The following KCNN3 variants were observed in gnomAD, a reference collection of about 807,000 sequenced individuals.
The protein encoded by KCNN3 is potassium calcium-activated channel subfamily N member 3, also known as small conductance calcium-activated potassium channel protein 3.
KCNN3 carries 16 observed loss-of-function variants against 62.9 expected under a neutral mutation model. That is an observed-to-expected ratio of 0.25 (90% CI 0.17 to 0.39). The LOEUF (loss-of-function observed/expected upper bound fraction) is 0.39. Among genes scored for constraint, KCNN3 ranks in the 10% least tolerant of loss-of-function variants. KCNN3 has a pLI of 1.00. For missense variants in KCNN3, 599 were observed against 949.4 expected (o/e 0.63, Z 4.85); for synonymous variants, 370 against 389.2 (o/e 0.95, Z 0.58).
Position 154,769,468 on chromosome 1 carries a change from A to C in KCNN3, c.1448+2507T>G, listed in dbSNP as rs76138335. 9.8e-3 allele frequency among the ~76,000 whole-genome samples: 1,491 copies of C among 152,276 alleles called. 28 individuals are homozygous for C. The highest frequency in any genetic ancestry group is 0.034 in the African/African-American group (1,415 of 41,552). On this transcript the variant is annotated intron_variant, in intron 3 of 7. Transcript: ENST00000271915. Reference sequence around the variant, plus strand: ...AGACCCAGTGGCCCACCAGGGACCAAACTAACCCAGCCTCAGCTTGGAAGC... The same window carrying C: ...AGACCCAGTGGCCCACCAGGGACCACACTAACCCAGCCTCAGCTTGGAAGC...
chr1:154,747,135 T>C (rs1571234001), intron 3 of KCNN3, among the ~76,000 whole-genome samples: 1 of 152,196 alleles, frequency 6.6e-6, no homozygotes, highest in Non-Finnish European at 1.5e-5. Context: ...TTCCTCCCCA[T>C]CACTCCACAT....
intron 3 of KCNN3, among the ~76,000 whole-genome samples, chr1:154,761,472 A>G (rs763521353): frequency 6.6e-6 from 1 of 152,130 alleles, no homozygotes; most frequent in Non-Finnish European, 1.5e-5. Flanking sequence ...TATCTCATAA[A>G]TAAATAAATA....
chr1:154,807,024 C>T (rs1484486788), intron 2 of KCNN3, among the ~76,000 whole-genome samples: 1 of 152,160 alleles, frequency 6.6e-6, no homozygotes, highest in Non-Finnish European at 1.5e-5. Context: ...CATTGTCCTC[C>T]TCTTTCTCTT....
intron 2 of KCNN3, among the ~76,000 whole-genome samples, chr1:154,814,876 C>T (rs1650593182): frequency 6.6e-6 from 1 of 152,222 alleles, no homozygotes; most frequent in South Asian, 2.1e-4. Context: ...GAGCAGCGCT[C>T]CAGTGAATCC....
chr1:154,762,333 T>C (rs1361771292), intron 3 of KCNN3, among the ~76,000 whole-genome samples: 1 of 152,226 alleles, frequency 6.6e-6, no homozygotes, highest in African/African-American at 2.4e-5. Flanking sequence ...CACTGAGTTA[T>C]ATTTATTTAA....
intron 2 of KCNN3, among the ~76,000 whole-genome samples, chr1:154,790,679 T>C (rs544966751): frequency 6.6e-6 from 1 of 152,284 alleles, no homozygotes; most frequent in South Asian, 2.1e-4. Context: ...AAAGTACAGT[T>C]CCTGCTGAAT....
At chr1:154,782,271 T>A (rs547565536) in intron 2 of KCNN3, among the ~76,000 whole-genome samples, 1 of 152,328 alleles carries the variant, frequency 6.6e-6, no homozygotes, top group Non-Finnish European at 1.5e-5. Context: ...GAAAACACAC[T>A]GCCCACAGGT....
At chr1:154,743,513 C>T (rs1467067542) in intron 3 of KCNN3, among the ~76,000 whole-genome samples, 1 of 152,238 alleles carries the variant, frequency 6.6e-6, no homozygotes, top group East Asian at 1.9e-4. Context: ...CAGCTTTACT[C>T]CTGCCTCAGA....
At chr1:154,864,369 C>T (rs1652878033) in intron 1 of KCNN3, among the ~76,000 whole-genome samples, 1 of 152,268 alleles carries the variant, frequency 6.6e-6, no homozygotes, top group Non-Finnish European at 1.5e-5. Context: ...AGCCACTTGG[C>T]TAGCCAAGCC....
At chr1:154,749,255 G>A (rs973459637) in intron 3 of KCNN3, among the ~76,000 whole-genome samples, 2 of 152,264 alleles carry the variant, frequency 1.3e-5, no homozygotes, top group Non-Finnish European at 2.9e-5. Flanking sequence ...ACCCCCTGGA[G>A]GGAAGTGCTG....
chr1:154,753,662 A>G (rs761786121), intron 3 of KCNN3, among the ~76,000 whole-genome samples: 4 of 152,190 alleles, frequency 2.6e-5, no homozygotes, highest in Non-Finnish European at 5.9e-5. Context: ...CTCATCCACG[A>G]AATAGGGACC....
chr1:154,742,956 G>A (rs1306202442), intron 3 of KCNN3, among the ~76,000 whole-genome samples: 2 of 152,184 alleles, frequency 1.3e-5, no homozygotes, highest in Non-Finnish European at 1.5e-5. Context: ...TTTAATCTTC[G>A]CTGTTCTTCT....
At chr1:154,861,431 G>A (rs1266111762) in intron 1 of KCNN3, among the ~76,000 whole-genome samples, 3 of 152,054 alleles carry the variant, frequency 2.0e-5, no homozygotes, top group East Asian at 1.9e-4. Flanking sequence ...CTCTCCAGAC[G>A]AGACAGTCTC....
intron 2 of KCNN3, among the ~76,000 whole-genome samples, chr1:154,799,558 T>G (rs1649868818): frequency 6.6e-6 from 1 of 152,136 alleles, no homozygotes; most frequent in African/African-American, 2.4e-5. Flanking sequence ...ACCCATAAAG[T>G]GAAGCCACCA....
intron 3 of KCNN3, among the ~76,000 whole-genome samples, chr1:154,759,992 C>G (rs900208838): frequency 6.6e-6 from 1 of 151,842 alleles, no homozygotes; most frequent in African/African-American, 2.4e-5. Flanking sequence ...CTCCCACTTT[C>G]TTTCTCCTCT....
intron 3 of KCNN3, among the ~76,000 whole-genome samples, chr1:154,759,147 G>A (rs1051285885): frequency 2.6e-5 from 4 of 152,162 alleles, no homozygotes; most frequent in Non-Finnish European, 5.9e-5. Flanking sequence ...TAGCAGCTGC[G>A]CTATGTGAGC....
chr1:154,791,369 C>G (rs1192234649), intron 2 of KCNN3, among the ~76,000 whole-genome samples: 1 of 150,716 alleles, frequency 6.6e-6, no homozygotes, highest in African/African-American at 2.4e-5. Flanking sequence ...ATTCTTGCGG[C>G]TGGTGCTGGG....
chr1:154,846,208 G>A (rs116202730), intron 1 of KCNN3, among the ~76,000 whole-genome samples: 1,621 of 152,292 alleles, frequency 0.011, 20 homozygotes, highest in African/African-American at 0.038. Flanking sequence ...CTCCCAGCCA[G>A]AACCCACAGC....
At chr1:154,787,308 C>T (rs1649322104) in intron 2 of KCNN3, among the ~76,000 whole-genome samples, 1 of 152,202 alleles carries the variant, frequency 6.6e-6, no homozygotes, top group South Asian at 2.1e-4. Context: ...TCCACCATTC[C>T]CTCCATTTGG....
Sources: allele counts gnomAD v4.1 joint callset (sites outside exome capture counted in the v4.1 genomes callset), GRCh38; gene constraint gnomAD v4.1.1; transcripts MANE v1.5; gene names NCBI Gene and HGNC (gene_info 2026-07-23, HGNC 2026-07-21).